IGF2BP2: variants seen among roughly 807,000 people sequenced by gnomAD.
The protein encoded by IGF2BP2 is insulin-like growth factor 2 mRNA-binding protein 2.
A neutral mutation model predicts 75.8 loss-of-function variants in IGF2BP2; 17 were observed. The ratio of observed to expected loss-of-function variants is 0.22; its 90% confidence interval spans 0.15 to 0.34. IGF2BP2 has a LOEUF of 0.34. Ranked by LOEUF, IGF2BP2 falls within the 10% of genes least tolerant of loss-of-function variation. The probability of loss-of-function intolerance (pLI) is 1.00; values close to 1 mark genes in which losing one functional copy is unlikely to be tolerated. For synonymous variants in IGF2BP2, 288 were observed against 295.6 expected (o/e 0.97, Z 0.26); for missense variants, 516 against 772.4 (o/e 0.67, Z 3.93).
rs181331221 is a variant in IGF2BP2 at position 185,816,347 on chromosome 3, C to T, written c.239+6806G>A. Among the ~76,000 whole-genome samples the T allele has an allele frequency of 5.3e-5, 8 of 152,298 alleles. No individual in the cohort carries two copies. The East Asian group carries it at 1.2e-3, about 22-fold the overall frequency. ...GTGGGCAAGCACAGAGATGGGAAGA[C>T]GTGCAATGCTACCTTTAAAATTACC... On this transcript the variant is annotated intron_variant, in intron 2 of 15. Transcript: ENST00000382199.
At chr3:185,740,587 T>TA (rs961159026) in intron 2 of IGF2BP2, among the ~76,000 whole-genome samples, 44 of 152,228 alleles carry the variant, frequency 2.9e-4, no homozygotes, top group African/African-American at 1.0e-3. Context: ...ATTGAATACC[T>TA]ACTCTATGTC....
intron 2 of IGF2BP2, among the ~76,000 whole-genome samples, chr3:185,785,385 A>G (rs1578294067): frequency 6.6e-6 from 1 of 151,910 alleles, no homozygotes; most frequent in African/African-American, 2.4e-5. Flanking sequence ...CAGCATTTAG[A>G]CACTCATTTT....
In IGF2BP2 at chr3:185,677,219, C is replaced by T. The variant is rs112769556; in HGVS notation, c.813-1306G>A. Among the ~76,000 whole-genome samples, 242 of 151,548 alleles carry T rather than the reference C, an allele frequency of 1.6e-3. 5 individuals carry two copies. The highest frequency in any genetic ancestry group is 5.2e-3 in the African/African-American group (216 of 41,294). On this transcript the variant is annotated intron_variant, in intron 7 of 15. Coordinates refer to ENST00000382199, the MANE Select transcript of IGF2BP2 (RefSeq NM_006548.6). ...GGAAACCCTAAAGGCTGGGCTCCTC[C>T]TTTGGGACAGAAACAAAGACTGGAT...
At chr3:185,685,237 G>A (rs1172296730) in intron 7 of IGF2BP2, among the ~76,000 whole-genome samples, 1 of 151,894 alleles carries the variant, frequency 6.6e-6, no homozygotes, top group Admixed American at 6.6e-5. Context: ...AATTCCAGCT[G>A]CTCGGGAGGC....
Position 185,645,511 on chromosome 3 carries a change from T to C in IGF2BP2, c.*20A>G. The C allele has an allele frequency of 6.4e-7, 1 of 1,561,248 alleles. No individual in the cohort carries two copies. Among genetic ancestry groups the C allele is most frequent in the African/African-American group, 1.4e-5 (1 of 73,982 alleles). ...GAAGGGCTACATTCATCCGTTGTTT[T>C]GCTGGTGCCTGTGGGAGCCTCACTT... On this transcript the variant is annotated 3_prime_UTR_variant, in exon 16 of 16. Coordinates refer to ENST00000382199, the MANE Select transcript of IGF2BP2 (RefSeq NM_006548.6). This position sits in a 1 kb window ranked among gnomAD's most constrained non-coding sequence, Gnocchi z 4.9.
chr3:185,797,244 AG>A (rs1737543466), intron 2 of IGF2BP2, among the ~76,000 whole-genome samples: 1 of 152,188 alleles, frequency 6.6e-6, no homozygotes, highest in South Asian at 2.1e-4. Context: ...CAATTCTTCC[AG>A]GTAGGTGTGT....
At chr3:185,711,846 T>C (rs1724846085) in intron 2 of IGF2BP2, among the ~76,000 whole-genome samples, 1 of 152,114 alleles carries the variant, frequency 6.6e-6, no homozygotes, top group Non-Finnish European at 1.5e-5. Flanking sequence ...GTTCACAGGG[T>C]CCCAGTCACC....
intron 2 of IGF2BP2, among the ~76,000 whole-genome samples, chr3:185,798,691 G>C (rs561746194): frequency 6.6e-6 from 1 of 152,080 alleles, no homozygotes; most frequent in Non-Finnish European, 1.5e-5. Context: ...CTGCTTTTAC[G>C]AGGGAGTTTT....
chr3:185,668,506 G>GATATAT (rs1221304712), intron 10 of IGF2BP2, among the ~76,000 whole-genome samples: 2,110 of 127,466 alleles, frequency 0.017, 10 homozygotes, highest in Non-Finnish European at 0.019. Context: ...GAGAGAGAGA[G>GATATAT]AGATATATAT....
At chr3:185,646,925 T>C (rs1352189281) in intron 15 of IGF2BP2, 100 bp downstream of exon 15, 6 of 850,964 alleles carry the variant, frequency 7.1e-6, no homozygotes, top group South Asian at 1.4e-5. Flanking sequence ...TTGGCGTGGA[T>C]TGATGCTCAG....
chr3:185,649,179 C>T (rs1714128393), intron 14 of IGF2BP2, among the ~76,000 whole-genome samples: 1 of 151,836 alleles, frequency 6.6e-6, no homozygotes. Flanking sequence ...CTTACAGCAC[C>T]ACGGATTGGG....
chr3:185,737,275 A>T (rs913389249), intron 2 of IGF2BP2, among the ~76,000 whole-genome samples: 1 of 152,150 alleles, frequency 6.6e-6, no homozygotes, highest in African/African-American at 2.4e-5. Flanking sequence ...ATCTGTCAAC[A>T]TCTTTCTGGA....
At chr3:185,668,377 A>T (rs1315829435) in intron 10 of IGF2BP2, among the ~76,000 whole-genome samples, 1 of 151,826 alleles carries the variant, frequency 6.6e-6, no homozygotes, top group East Asian at 1.9e-4. Flanking sequence ...TTTAATGTGT[A>T]AACATAACTA....
intron 2 of IGF2BP2, among the ~76,000 whole-genome samples, chr3:185,819,709 G>A (rs1365305677): frequency 6.6e-6 from 1 of 152,012 alleles, no homozygotes; most frequent in South Asian, 2.1e-4. Flanking sequence ...AGTAAATGCA[G>A]GTATTAATTT....
intron 2 of IGF2BP2, among the ~76,000 whole-genome samples, chr3:185,804,946 T>C (rs912119135): frequency 8.8e-5 from 13 of 147,692 alleles, no homozygotes; most frequent in African/African-American, 2.0e-4. Context: ...TGAGCCAAGA[T>C]GGCGCCACTG....
At position 185,647,561 on chromosome 3, in the gene IGF2BP2, T is replaced by A. The variant is rs940849285; in HGVS notation, c.1594-423A>T. 4.6e-5 allele frequency among the ~76,000 whole-genome samples: 7 copies of A among 151,664 alleles called. No individual in the cohort carries two copies. The highest frequency in any genetic ancestry group is 1.7e-4 in the African/African-American group (7 of 41,264). On this transcript the variant is annotated intron_variant, in intron 14 of 15. Transcript: ENST00000382199. The surrounding 1 kb of genome is among the most constrained non-coding windows in gnomAD (Gnocchi z 4.9). ...GAGCCCAAACCTCCTCTTGGTTAAC[T>A]TTCCCTGCGAATCAGCCCTGCTGTT...
intron 7 of IGF2BP2, among the ~76,000 whole-genome samples, chr3:185,682,964 A>T (rs1720603647): frequency 6.6e-6 from 1 of 152,226 alleles, no homozygotes; most frequent in African/African-American, 2.4e-5. Flanking sequence ...AGAATTGAAA[A>T]GAGGGTCTTG....
In IGF2BP2 at chr3:185,657,362, T is replaced by C. The variant is rs1715621519; in HGVS notation, c.1310A>G (p.Gln437Arg). 6.2e-7 allele frequency: 1 copy of C among 1,613,830 alleles called. No homozygotes were observed. Reference protein sequence around the residue: ...QEIVNLFIPTQAVGAIIGKKG... With the variant: ...QEIVNLFIPTRAVGAIIGKKG... The stretch of plus-strand genomic sequence containing the variant: ...CTTCCCGATGATGGCGCCCACAGCC[T>C]GGGTTGGGATGAAGAGATTCACAAT... Residue 437 changes from glutamine to arginine, a missense_variant, in exon 12 of 16, where the codon CAG becomes CGG. Gln to Arg is a conservative substitution (Grantham distance 43). This residue lies in a region of IGF2BP2 where 129 missense variants were observed against 230.5 expected (regional missense o/e 0.56). Coordinates refer to ENST00000382199, the MANE Select transcript of IGF2BP2 (RefSeq NM_006548.6).
chr3:185,812,417 A>G (rs1366214594), intron 2 of IGF2BP2, among the ~76,000 whole-genome samples: 1 of 152,240 alleles, frequency 6.6e-6, no homozygotes. Context: ...TTGACTATAG[A>G]AAAATCCATA....
Sources: gnomAD v4.1 joint callset for allele counts (sites outside exome capture counted in the v4.1 genomes callset) on GRCh38, gnomAD v4.1.1 for gene constraint, gnomAD v4.1.1 regional missense constraint, Gnocchi (gnomAD v3.1) non-coding constraint, MANE v1.5 for transcripts, NCBI Gene and HGNC (gene_info 2026-07-23, HGNC 2026-07-21) for gene names.